Variants in PRSS53 observed in about 807,000 individuals in gnomAD.
The protein encoded by PRSS53 is serine protease 53, also known as EDTP308.
In PRSS53, 54 loss-of-function variants were observed where a neutral mutation model predicts 62.7. The observed-to-expected ratio is 0.86, with a 90% CI of 0.69 to 1.08. PRSS53 has a LOEUF of 1.08. PRSS53 is among the 50% of genes least tolerant of loss of function. The probability of loss-of-function intolerance (pLI) is 0.00; values close to 1 mark genes in which losing one functional copy is unlikely to be tolerated. For synonymous variants in PRSS53, 273 were observed against 300.0 expected, an observed-to-expected ratio of 0.91 and a Z score of 0.93; for missense variants, 688 against 728.3, an observed-to-expected ratio of 0.94 and a Z score of 0.64.
exon 11 of PRSS53, chr16:31,083,697 C>A: frequency 1.2e-6 from 2 of 1,607,450 alleles, no homozygotes; most frequent in South Asian, 2.2e-5. Context: ...GCCCTGGTGC[C>A]TGGAATCACA....
Position 31,084,731 on chromosome 16 carries a change from C to T in PRSS53, c.1280-28G>A, listed in dbSNP as rs767272926. ...GTGGAGCAAGGGAAAGCTGGCTGCC[C>T]CGGCCTGCAGGTTGGATGGACAGCA... is the stretch of plus-strand genomic sequence containing the variant. On this transcript the variant is annotated intron_variant, in intron 8 of 10. Transcript: ENST00000280606. The T allele has an allele frequency of 3.7e-6, 6 of 1,601,374 alleles. No homozygotes were observed. The African/African-American group carries it at 4.0e-5, about 11-fold the overall frequency.
At chr16:31,086,408 G>A (rs1451930178) in exon 5 of PRSS53, 1 of 1,614,174 alleles carries the variant, frequency 6.2e-7, no homozygotes, top group Non-Finnish European at 8.5e-7. Flanking sequence ...TTGGACAGGT[G>A]TCGCTGGTGC....
exon 6 of PRSS53, chr16:31,086,049 G>C: frequency 1.2e-6 from 2 of 1,614,064 alleles, no homozygotes; most frequent in Non-Finnish European, 1.7e-6. Flanking sequence ...CCTGCAGCCA[G>C]GAACTGTGAG....
exon 9 of PRSS53, chr16:31,084,606 C>T (rs1398681055): frequency 1.2e-6 from 2 of 1,606,946 alleles, no homozygotes; most frequent in Non-Finnish European, 1.7e-6. Context: ...CCATCCCCGG[C>T]AGAATAGGGC....
intron 4 of PRSS53, 68 bp downstream of exon 4, chr16:31,086,565 G>A: frequency 1.3e-6 from 2 of 1,562,934 alleles, no homozygotes; most frequent in South Asian, 2.4e-5. Flanking sequence ...CAGGACAGTT[G>A]GGAGCTGAGA....
At chr16:31,086,270 G>GT in intron 5 of PRSS53, 67 bp downstream of exon 5, 2 of 1,584,068 alleles carry the variant, frequency 1.3e-6, no homozygotes, top group Non-Finnish European at 1.7e-6. Context: ...CCCCAGTCCT[G>GT]TGAGTCCAAC....
exon 3 of PRSS53, chr16:31,087,549 T>A: frequency 6.2e-7 from 1 of 1,613,026 alleles, no homozygotes. Context: ...TTCAAAGCAG[T>A]GGGCAGCAGT....
exon 5 of PRSS53, chr16:31,086,452 C>G: frequency 6.2e-7 from 1 of 1,614,050 alleles, no homozygotes; most frequent in Non-Finnish European, 8.5e-7. Context: ...TGTGGGGCGA[C>G]TGATGAGACG....
chr16:31,086,715 G>A, exon 4 of PRSS53: 1 of 1,579,890 alleles, frequency 6.3e-7, no homozygotes, highest in Middle Eastern at 1.7e-4. Context: ...GCAGGCAGAG[G>A]GGTGTGTGGG....
In PRSS53 at chr16:31,083,867, T is replaced by TCCCTCCCC. The variant is rs139279003; in HGVS notation, c.1643-66_1643-59dup. The TCCCTCCCC allele has an allele frequency of 9.3e-4, 1,249 of 1,342,938 alleles. 5 individuals carry two copies. In the African/African-American group the frequency reaches 0.014, roughly 15 times the overall value. The allele number at this position is 1,342,938 out of a possible 1,614,324, so 83.2% of individuals were successfully genotyped here. A position where few individuals can be genotyped will look rare whatever the true frequency, so the allele number is the denominator to read the frequency against. ...CATCCTCACGGCTTTGGTCCCTCCC[T>TCCCTCCCC]CCCTCCCCATTCCTCGAAGGAACAG... On this transcript the variant is annotated intron_variant, in intron 10 of 10. Transcript: ENST00000280606.
At chr16:31,085,295 T>TA in intron 6 of PRSS53, 35 bp from the exon 7 acceptor site, 2 of 1,503,864 alleles carry the variant, frequency 1.3e-6, no homozygotes, top group Non-Finnish European at 1.8e-6. Context: ...GACTTCTTGC[T>TA]AAGCACTTCC....
At chr16:31,083,656 T>A in exon 11 of PRSS53, 2 of 1,548,982 alleles carry the variant, frequency 1.3e-6, no homozygotes, top group Non-Finnish European at 1.7e-6. Context: ...CCAGGCAGGT[T>A]CCTTCCCACA....
In PRSS53 at chr16:31,083,667, G is replaced by A. The variant is rs1596783537; in HGVS notation, c.*123C>T. On this transcript the variant is annotated 3_prime_UTR_variant, in exon 11 of 11. Coordinates refer to ENST00000280606, the Ensembl canonical transcript of PRSS53. ...GGCCCCAGGCAGGTTCCTTCCCACA[G>A]CTGCTGGGCTTCTGGGCCTGCCCTG... is the stretch of plus-strand genomic sequence containing the variant. The A allele has an allele frequency of 1.9e-6, 3 of 1,566,268 alleles. No homozygotes were observed. In the East Asian group the frequency reaches 7.0e-5, roughly 37 times the overall value.
rs1460078395 is a variant in PRSS53 at position 31,087,833 on chromosome 16, A to C, written c.59-7T>G. 5 of 1,613,724 alleles carry C rather than the reference A, an allele frequency of 3.1e-6. No homozygotes were observed. The Admixed American group carries it at 8.3e-5, about 27-fold the overall frequency. On this transcript the variant is annotated splice_region_variant and splice_polypyrimidine_tract_variant and intron_variant, in intron 1 of 10. Transcript: ENST00000280606. ...CGCTGAGCGGCTTGAAGACCTGGGA[A>C]GAGAGAGACACAGGTAAGATGCAGG...
rs565025262 is a variant in PRSS53, at chr16:31,084,202, C to T, written c.1559G>A (p.Trp520Ter). Reference sequence around the variant, plus strand: ...GACCTGCCAGTCCAAACTGCTGACCCAGTCCTCATAGGCAGGGAGCGCGGT... The same window carrying T: ...GACCTGCCAGTCCAAACTGCTGACCTAGTCCTCATAGGCAGGGAGCGCGGT... Residue 520 changes from tryptophan (W) to a stop codon, truncating the protein, a stop_gained, in exon 10 of 11, where the codon TGG (tryptophan) becomes TAG (stop). Transcript: ENST00000280606. LOFTEE classifies it high-confidence loss of function. 1.2e-5 allele frequency: 19 copies of T among 1,611,098 alleles called. No homozygotes were observed. The highest frequency in any genetic ancestry group is 8.4e-5 in the Admixed American group (5 of 59,720).
chr16:31,085,989 C>A (rs377128856), exon 6 of PRSS53: 1 of 1,614,102 alleles, frequency 6.2e-7, no homozygotes, highest in African/African-American at 1.3e-5. Context: ...CATCACTCAT[C>A]TCCGGGGTCT....
intron 1 of PRSS53, chr16:31,088,187 A>G (rs1337667462): frequency 4.1e-6 from 5 of 1,225,746 alleles, no homozygotes; most frequent in African/African-American, 1.5e-5. Flanking sequence ...TTGTCCTCTT[A>G]GCAGCAGAGG....
chr16:31,088,480 A>G, intron 1 of PRSS53: 10 of 1,315,874 alleles, frequency 7.6e-6, no homozygotes, highest in South Asian at 5.8e-5. Context: ...GTCGAGGGGG[A>G]GGCAGGCACA....
At chr16:31,087,431 G>C (rs2143886271) in intron 3 of PRSS53, 106 bp downstream of exon 3, 1 of 773,764 alleles carries the variant, frequency 1.3e-6, no homozygotes, top group Non-Finnish European at 2.1e-6. Flanking sequence ...CTCAGTAAAT[G>C]GTTCTTTATT....
Sources: allele counts gnomAD v4.1 joint callset, GRCh38; gene constraint gnomAD v4.1.1; transcripts MANE v1.5; gene names NCBI Gene and HGNC (gene_info 2026-07-23, HGNC 2026-07-21).